Variants in GPR39 observed in about 807,000 individuals in gnomAD.
GPR39 encodes G protein-coupled receptor 39, also known as zinc sensing receptor.
Under a neutral mutation model 18.4 loss-of-function variants are expected in GPR39, and 23 were observed. That is an observed-to-expected ratio of 1.25 (90% CI 0.90 to 1.77). The LOEUF (loss-of-function observed/expected upper bound fraction) is 1.77, where lower values mean the gene tolerates loss of function less well. Ranked by LOEUF, GPR39 falls within the 40% of genes most tolerant of loss-of-function variation. The probability of loss-of-function intolerance (pLI) is 0.00; values close to 1 mark genes in which losing one functional copy is unlikely to be tolerated. For missense variants in GPR39, 647 were observed against 602.4 expected (o/e 1.07, Z -0.78); for synonymous variants, 280 against 257.9 (o/e 1.09, Z -0.82).
At chr2:132,562,923 C>T (rs916456458) in intron 1 of GPR39, among the ~76,000 whole-genome samples, 1 of 152,084 alleles carries the variant, frequency 6.6e-6, no homozygotes, top group Non-Finnish European at 1.5e-5. Context: ...GGACATTTCT[C>T]ATCCTTACTC....
intron 1 of GPR39, among the ~76,000 whole-genome samples, chr2:132,468,648 C>G (rs1306262559): frequency 6.6e-6 from 1 of 152,182 alleles, no homozygotes; most frequent in Non-Finnish European, 1.5e-5. Flanking sequence ...GGGTTTTAAA[C>G]AGAAAACAGA....
At chr2:132,634,343 G>T (rs533617043) in intron 1 of GPR39, among the ~76,000 whole-genome samples, 4 of 152,270 alleles carry the variant, frequency 2.6e-5, no homozygotes, top group Admixed American at 6.5e-5. Flanking sequence ...AGCCCGAGGA[G>T]CCTGAACTTT....
At chr2:132,493,251 A>G (rs1480985508) in intron 1 of GPR39, among the ~76,000 whole-genome samples, 1 of 145,320 alleles carries the variant, frequency 6.9e-6, no homozygotes, top group Non-Finnish European at 1.5e-5. Context: ...CACCATATAT[A>G]CACCATATAT....
At chr2:132,604,521 G>T (rs1366663633) in intron 1 of GPR39, 1 of 152,206 alleles carries the variant, frequency 6.6e-6, no homozygotes, top group African/African-American at 2.4e-5. Context: ...ACAGTCCCAT[G>T]CTGGGTACTG....
intron 1 of GPR39, among the ~76,000 whole-genome samples, chr2:132,517,973 T>A (rs1275202098): frequency 6.6e-6 from 1 of 152,148 alleles, no homozygotes; most frequent in Non-Finnish European, 1.5e-5. Flanking sequence ...TTTGCTATGT[T>A]TGGGGGGAAT....
intron 1 of GPR39, among the ~76,000 whole-genome samples, chr2:132,464,679 G>A (rs770298122): frequency 6.6e-6 from 1 of 152,156 alleles, no homozygotes; most frequent in Non-Finnish European, 1.5e-5. Context: ...GCTTGTGCAT[G>A]GATTTCCCCA....
chr2:132,479,224 G>T (rs1681187196), intron 1 of GPR39, among the ~76,000 whole-genome samples: 1 of 152,172 alleles, frequency 6.6e-6, no homozygotes, highest in Non-Finnish European at 1.5e-5. Flanking sequence ...TTAGTCTATG[G>T]CCTTAAGGAA....
intron 1 of GPR39, among the ~76,000 whole-genome samples, chr2:132,524,889 C>T (rs796261726): frequency 6.6e-5 from 10 of 152,060 alleles, no homozygotes; most frequent in African/African-American, 2.4e-4. Flanking sequence ...GTCTTCTTTC[C>T]CCTCCTTGAA....
At chr2:132,627,723 G>A (rs1681577964) in intron 1 of GPR39, among the ~76,000 whole-genome samples, 1 of 152,190 alleles carries the variant, frequency 6.6e-6, no homozygotes, top group Admixed American at 6.5e-5. Flanking sequence ...CCAGAGCTGT[G>A]TGAGTCATAA....
At chr2:132,513,504 G>A (rs1679277067) in intron 1 of GPR39, among the ~76,000 whole-genome samples, 1 of 151,892 alleles carries the variant, frequency 6.6e-6, no homozygotes, top group African/African-American at 2.4e-5. Flanking sequence ...GATATCTGGA[G>A]TAGCAGGTGT....
intron 1 of GPR39, among the ~76,000 whole-genome samples, chr2:132,479,131 G>T (rs140303415): frequency 1.3e-5 from 2 of 152,322 alleles, no homozygotes; most frequent in Non-Finnish European, 2.9e-5. Context: ...ACACATTAAA[G>T]TGTTGAACCC....
intron 1 of GPR39, among the ~76,000 whole-genome samples, chr2:132,465,490 A>G (rs1294508567): frequency 1.3e-5 from 2 of 152,182 alleles, no homozygotes; most frequent in Non-Finnish European, 2.9e-5. Flanking sequence ...GCACTGTTGT[A>G]CAGTAAGTAA....
At chr2:132,593,363 G>A (rs925810495) in intron 1 of GPR39, among the ~76,000 whole-genome samples, 1 of 152,120 alleles carries the variant, frequency 6.6e-6, no homozygotes, top group Non-Finnish European at 1.5e-5. Flanking sequence ...TGGTTTTTCT[G>A]GTGTGACTTG....
intron 1 of GPR39, among the ~76,000 whole-genome samples, chr2:132,576,108 G>A (rs191886785): frequency 2.6e-5 from 4 of 152,152 alleles, no homozygotes; most frequent in Admixed American, 1.3e-4. Context: ...TTTTAACAGC[G>A]GTCTGAACAG....
chr2:132,493,012 T>C (rs911318918), intron 1 of GPR39, among the ~76,000 whole-genome samples: 1 of 139,496 alleles, frequency 7.2e-6, no homozygotes, highest in African/African-American at 2.7e-5. Context: ...ATATATACAC[T>C]ATATATACTA....
intron 1 of GPR39, among the ~76,000 whole-genome samples, chr2:132,498,873 T>A (rs964343033): frequency 6.6e-6 from 1 of 152,196 alleles, no homozygotes; most frequent in Non-Finnish European, 1.5e-5. Flanking sequence ...CTTTTGAGAA[T>A]TGTGTGTTCA....
intron 1 of GPR39, among the ~76,000 whole-genome samples, chr2:132,520,886 G>A (rs1679412818): frequency 1.3e-5 from 2 of 152,222 alleles, no homozygotes; most frequent in African/African-American, 4.8e-5. Flanking sequence ...AAGAAATGCA[G>A]AGGAAGGGGT....
At chr2:132,487,097 T>G (rs1022608116) in intron 1 of GPR39, among the ~76,000 whole-genome samples, 1 of 152,096 alleles carries the variant, frequency 6.6e-6, no homozygotes. Flanking sequence ...GGGAGAGAGA[T>G]GGGGGAATGG....
At chr2:132,625,156 A>G (rs1392549800) in intron 1 of GPR39, among the ~76,000 whole-genome samples, 1 of 143,790 alleles carries the variant, frequency 7.0e-6, no homozygotes, top group African/African-American at 2.6e-5. Flanking sequence ...TTTCCCCTCT[A>G]CCTTTCTTAA....
Sources: allele counts gnomAD v4.1 joint callset (sites outside exome capture counted in the v4.1 genomes callset), GRCh38; gene constraint gnomAD v4.1.1; transcripts MANE v1.5; gene names NCBI Gene and HGNC (gene_info 2026-07-23, HGNC 2026-07-21).